Variants in PIEZO2 observed in about 807,000 individuals in gnomAD.
PIEZO2 encodes the protein piezo-type mechanosensitive ion channel component 2.
In PIEZO2, 172 loss-of-function variants were observed where a neutral mutation model predicts 337.3. The ratio of observed to expected loss-of-function variants is 0.51; its 90% confidence interval spans 0.45 to 0.58. The LOEUF (loss-of-function observed/expected upper bound fraction) is 0.58, where lower values mean the gene tolerates loss of function less well. Ranked by LOEUF, PIEZO2 falls within the 20% of genes least tolerant of loss-of-function variation. PIEZO2 has a pLI of 0.00. For missense variants in PIEZO2, 3,028 were observed against 3,391.3 expected (o/e 0.89, Z 2.66); for synonymous variants, 1,251 against 1,228.5 (o/e 1.02, Z -0.38).
chr18:11,018,995 C>T (rs1354540481), intron 2 of PIEZO2, among the ~76,000 whole-genome samples: 3 of 152,144 alleles, frequency 2.0e-5, no homozygotes, highest in Admixed American at 6.5e-5. Flanking sequence ...CCCCAAAATT[C>T]AGGACGGAGC....
At chr18:10,721,217 C>T (rs1340914752) in intron 36 of PIEZO2, among the ~76,000 whole-genome samples, 1 of 152,156 alleles carries the variant, frequency 6.6e-6, no homozygotes, top group Non-Finnish European at 1.5e-5. Context: ...TTATTTGCTC[C>T]TCTGTAGAGC....
At position 10,705,680 on chromosome 18, in the gene PIEZO2, C is replaced by G; in HGVS notation, c.5655G>C (p.Glu1885Asp). The G allele has an allele frequency of 6.5e-7, 1 of 1,537,026 alleles. No homozygotes were observed. The highest frequency in any genetic ancestry group is 8.7e-7 in the Non-Finnish European group (1 of 1,146,904). ...TCCCTGCCTCCTCCTCCTGCTCAGCCTCCACCTCCTCGATGGTCTCAGTGG... is the reference window on the plus strand; with the variant it reads ...TCCCTGCCTCCTCCTCCTGCTCAGCGTCCACCTCCTCGATGGTCTCAGTGG... ...QGTTETIEEV[E>D]AEQEEEAGST... The change falls in exon 41 of 56, where the codon GAG (glutamate) becomes GAC (aspartate). Residue 1885 changes from glutamate (E) to aspartate (D), a missense_variant. Physicochemically the swap from Glu to Asp is conservative, Grantham distance 45. Coordinates refer to ENST00000674853, the MANE Select transcript of PIEZO2 (RefSeq NM_001378183.1).
At chr18:11,118,859 G>A (rs192250324) in intron 1 of PIEZO2, among the ~76,000 whole-genome samples, 2 of 152,232 alleles carry the variant, frequency 1.3e-5, no homozygotes, top group African/African-American at 4.8e-5. Context: ...GACACAGTTA[G>A]ACCCAAGGCA....
intron 36 of PIEZO2, among the ~76,000 whole-genome samples, chr18:10,719,006 T>TA: frequency 6.6e-6 from 1 of 150,920 alleles, no homozygotes; most frequent in Non-Finnish European, 1.5e-5. Context: ...AATAAATAAA[T>TA]AAATAAATAA....
In PIEZO2 at chr18:10,969,528, AG is replaced by A. The variant is rs1375170498; in HGVS notation, c.286+10006del. On this transcript the variant is annotated intron_variant, in intron 3 of 55. Coordinates refer to ENST00000674853, the MANE Select transcript of PIEZO2 (RefSeq NM_001378183.1). The surrounding 1 kb of genome is among the most constrained non-coding windows in gnomAD (Gnocchi z 4.5). ...TTCCTTCCTTGCCACTTCTAACTCT[AG>A]CTTTCTCATTTATGGTTTTCTGTCT... 6.6e-6 allele frequency among the ~76,000 whole-genome samples: 1 copy of A among 152,136 alleles called. No homozygotes were observed. Among genetic ancestry groups the A allele is most frequent in the African/African-American group, 2.4e-5 (1 of 41,414 alleles).
chr18:11,012,810 C>A (rs768323455), intron 2 of PIEZO2, among the ~76,000 whole-genome samples: 16 of 152,134 alleles, frequency 1.1e-4, no homozygotes, highest in Non-Finnish European at 1.8e-4. Context: ...TTGGGAGAGC[C>A]AAGGTGGAAA....
intron 15 of PIEZO2, among the ~76,000 whole-genome samples, chr18:10,787,531 G>A (rs531304178): frequency 3.8e-4 from 58 of 152,290 alleles, no homozygotes; most frequent in Non-Finnish European, 6.6e-4. Flanking sequence ...GGTAGGTGCT[G>A]CTGTCATTGT....
At chr18:10,867,970 G>T (rs1472937158) in intron 5 of PIEZO2, among the ~76,000 whole-genome samples, 1 of 152,192 alleles carries the variant, frequency 6.6e-6, no homozygotes, top group Admixed American at 6.5e-5. Context: ...GAAGTTGGCT[G>T]TCAGTAAAAT....
chr18:10,900,119 T>G (rs1444963734), intron 4 of PIEZO2, among the ~76,000 whole-genome samples: 1 of 152,146 alleles, frequency 6.6e-6, no homozygotes, highest in Non-Finnish European at 1.5e-5. Context: ...TTAGTTTCTC[T>G]GTTGGAAGTC....
intron 5 of PIEZO2, among the ~76,000 whole-genome samples, chr18:10,867,592 C>A (rs1598605662): frequency 6.6e-6 from 1 of 152,074 alleles, no homozygotes. Flanking sequence ...GTCATAACTG[C>A]AAATCCTATT....
intron 2 of PIEZO2, among the ~76,000 whole-genome samples, chr18:11,063,245 C>T (rs868051071): frequency 1.1e-4 from 15 of 131,486 alleles, no homozygotes; most frequent in African/African-American, 4.3e-4. Context: ...AACACATGGA[C>T]ATAGGAAGGG....
chr18:10,924,803 G>T (rs11877157), intron 3 of PIEZO2, among the ~76,000 whole-genome samples: 1 of 152,110 alleles, frequency 6.6e-6, no homozygotes, highest in Non-Finnish European at 1.5e-5. Flanking sequence ...CTTATAAGGC[G>T]TTACAATTGC....
intron 7 of PIEZO2, among the ~76,000 whole-genome samples, chr18:10,844,507 G>A (rs2041291106): frequency 6.6e-6 from 1 of 151,994 alleles, no homozygotes; most frequent in Non-Finnish European, 1.5e-5. Context: ...AGTACCTACT[G>A]GCCGGGCACG....
intron 3 of PIEZO2, among the ~76,000 whole-genome samples, chr18:10,955,861 TTTTG>T (rs1464752055): frequency 1.3e-5 from 2 of 152,210 alleles, no homozygotes; most frequent in African/African-American, 4.8e-5. Context: ...GATTTAAATT[TTTTG>T]TTTGTTTGTT....
intron 2 of PIEZO2, among the ~76,000 whole-genome samples, chr18:11,056,411 C>T (rs541878667): frequency 6.6e-6 from 1 of 152,116 alleles, no homozygotes; most frequent in Non-Finnish European, 1.5e-5. Context: ...AGAAGAGCCT[C>T]GAGAGGAAGT....
chr18:10,904,440 C>G (rs1010206154), intron 4 of PIEZO2, among the ~76,000 whole-genome samples: 1 of 149,234 alleles, frequency 6.7e-6, no homozygotes, highest in African/African-American at 2.5e-5. Flanking sequence ...TAGTACTTCC[C>G]CCCAGTCACT....
intron 3 of PIEZO2, among the ~76,000 whole-genome samples, chr18:10,958,843 A>G (rs2033649096): frequency 6.6e-6 from 1 of 152,196 alleles, no homozygotes; most frequent in Non-Finnish European, 1.5e-5. Flanking sequence ...GGCCACTTTG[A>G]TATAAATTGA....
intron 28 of PIEZO2, among the ~76,000 whole-genome samples, chr18:10,752,034 C>T (rs977780272): frequency 6.6e-6 from 1 of 152,180 alleles, no homozygotes; most frequent in Non-Finnish European, 1.5e-5. Context: ...GTACATTGCT[C>T]TAGCTGTGTC....
chr18:10,699,207 G>T, intron 43 of PIEZO2, 30 bp from the exon 44 acceptor site: 2 of 1,536,642 alleles, frequency 1.3e-6, no homozygotes, highest in Non-Finnish European at 1.7e-6. Context: ...GACAAATGAG[G>T]CTACTGTTTC....
Sources: gnomAD v4.1 joint callset for allele counts (sites outside exome capture counted in the v4.1 genomes callset) on GRCh38, gnomAD v4.1.1 for gene constraint, Gnocchi (gnomAD v3.1) non-coding constraint, MANE v1.5 for transcripts, NCBI Gene and HGNC (gene_info 2026-07-23, HGNC 2026-07-21) for gene names.